Variants in CDKAL1 observed in about 807,000 individuals in gnomAD.
The protein encoded by CDKAL1 is CDKAL1 threonylcarbamoyladenosine tRNA methylthiotransferase.
A neutral mutation model predicts 68.2 loss-of-function variants in CDKAL1; 32 were observed. The ratio of observed to expected loss-of-function variants is 0.47; its 90% CI spans 0.35 to 0.63. The LOEUF (loss-of-function observed/expected upper bound fraction) is 0.63. Ranked by LOEUF, CDKAL1 falls within the 30% of genes least tolerant of loss-of-function variation. The probability of loss-of-function intolerance (pLI) is 0.00; values close to 1 mark genes in which losing one functional copy is unlikely to be tolerated. For missense variants in CDKAL1, 606 were observed against 696.7 expected (o/e 0.87, Z 1.47); for synonymous variants, 234 against 244.3 (o/e 0.96, Z 0.39).
At chr6:20,619,339 C>T (rs904866735) in intron 4 of CDKAL1, among the ~76,000 whole-genome samples, 4 of 152,058 alleles carry the variant, frequency 2.6e-5, no homozygotes, top group African/African-American at 9.7e-5. Flanking sequence ...AACAATATAT[C>T]GTATTCTTGA....
chr6:20,876,668 A>G (rs1360672027), intron 9 of CDKAL1, among the ~76,000 whole-genome samples: 2 of 152,190 alleles, frequency 1.3e-5, no homozygotes, highest in African/African-American at 4.8e-5. Context: ...ATGAATGCAA[A>G]TTCTGTTGCT....
intron 5 of CDKAL1, among the ~76,000 whole-genome samples, chr6:20,714,378 CTTTTTTTTTTT>C (rs545162371): frequency 0.029 from 2,105 of 72,742 alleles, 39 homozygotes; most frequent in Non-Finnish European, 0.048. Context: ...ATTGTCTGTT[CTTTTTTTTTTT>C]TTTTTTTTTT....
chr6:21,022,020 A>G (rs1224122965), intron 11 of CDKAL1, among the ~76,000 whole-genome samples: 2 of 152,190 alleles, frequency 1.3e-5, no homozygotes, highest in Non-Finnish European at 2.9e-5. Flanking sequence ...ACAACAGAAT[A>G]GGTCAGGAAC....
intron 7 of CDKAL1, among the ~76,000 whole-genome samples, chr6:20,776,912 CTTCT>C (rs1775197003): frequency 6.6e-6 from 1 of 152,204 alleles, no homozygotes; most frequent in Non-Finnish European, 1.5e-5. Flanking sequence ...AAGCCAGCAG[CTTCT>C]TTGCTGCTCC....
chr6:21,203,441 G>A (rs533502414), intron 15 of CDKAL1, among the ~76,000 whole-genome samples: 57 of 150,930 alleles, frequency 3.8e-4, no homozygotes, highest in Middle Eastern at 3.4e-3. Flanking sequence ...TCACCATGTC[G>A]GCCAGGCTGG....
At chr6:21,160,504 G>C (rs997372139) in intron 13 of CDKAL1, among the ~76,000 whole-genome samples, 2 of 150,532 alleles carry the variant, frequency 1.3e-5, no homozygotes, top group Non-Finnish European at 3.0e-5. Context: ...CACCGTGTTG[G>C]TCAGGCTGGT....
At chr6:21,064,960 A>G (rs1771351491) in intron 11 of CDKAL1, 88 bp from the exon 12 acceptor site, 2 of 751,536 alleles carry the variant, frequency 2.7e-6, no homozygotes, top group Admixed American at 3.9e-5. Context: ...AATTTTAATT[A>G]CCATAAAATT....
At chr6:20,632,915 A>ACTG (rs1280160737) in intron 4 of CDKAL1, among the ~76,000 whole-genome samples, 1 of 152,098 alleles carries the variant, frequency 6.6e-6, no homozygotes, top group Non-Finnish European at 1.5e-5. Context: ...TGACGTGTAC[A>ACTG]CTGCTCTATG....
chr6:20,633,086 A>G (rs1415492914), intron 4 of CDKAL1, among the ~76,000 whole-genome samples: 1 of 152,192 alleles, frequency 6.6e-6, no homozygotes, highest in African/African-American at 2.4e-5. Flanking sequence ...AATAATTCCT[A>G]TGCCATGAAA....
intron 6 of CDKAL1, among the ~76,000 whole-genome samples, chr6:20,752,067 C>T (rs982162581): frequency 3.4e-5 from 5 of 149,112 alleles, no homozygotes; most frequent in Non-Finnish European, 5.9e-5. Context: ...TTTCCTCTTC[C>T]GCGTAACTCC....
intron 11 of CDKAL1, among the ~76,000 whole-genome samples, chr6:21,052,588 G>T (rs1191850854): frequency 6.7e-6 from 1 of 149,170 alleles, no homozygotes; most frequent in Non-Finnish European, 1.5e-5. Flanking sequence ...GCTCAGGCTG[G>T]CCATGAACTC....
intron 4 of CDKAL1, chr6:20,559,577 T>G (rs1312393633): frequency 6.6e-6 from 1 of 152,204 alleles, no homozygotes; most frequent in Non-Finnish European, 1.5e-5. Flanking sequence ...GGTCACTAAA[T>G]GTCTGGTTTG....
At chr6:20,998,518 G>A (rs1165031462) in intron 10 of CDKAL1, among the ~76,000 whole-genome samples, 1 of 152,106 alleles carries the variant, frequency 6.6e-6, no homozygotes, top group Non-Finnish European at 1.5e-5. Context: ...CGCTTAGGCA[G>A]GAGAATCACT....
At chr6:20,991,088 T>C (rs1766765817) in intron 10 of CDKAL1, among the ~76,000 whole-genome samples, 1 of 152,210 alleles carries the variant, frequency 6.6e-6, no homozygotes, top group South Asian at 2.1e-4. Flanking sequence ...GCTTTGGCAT[T>C]GAGAGTAGAG....
chr6:21,221,215 G>A (rs1779528033), intron 15 of CDKAL1, among the ~76,000 whole-genome samples: 1 of 151,894 alleles, frequency 6.6e-6, no homozygotes, highest in Non-Finnish European at 1.5e-5. Flanking sequence ...TTATAATTTT[G>A]TATTCAATAC....
intron 8 of CDKAL1, among the ~76,000 whole-genome samples, chr6:20,820,220 T>C (rs1283492520): frequency 6.6e-6 from 1 of 152,176 alleles, no homozygotes; most frequent in South Asian, 2.1e-4. Context: ...TGTAGGCTTC[T>C]AACTCTAATC....
At chr6:20,960,685 C>T (rs1468175639) in intron 10 of CDKAL1, among the ~76,000 whole-genome samples, 1 of 152,212 alleles carries the variant, frequency 6.6e-6, no homozygotes, top group East Asian at 1.9e-4. Context: ...TGTTCCTTGA[C>T]TTCATGCCTC....
At chr6:20,933,300 T>C (rs913919001) in intron 9 of CDKAL1, among the ~76,000 whole-genome samples, 1 of 152,254 alleles carries the variant, frequency 6.6e-6, no homozygotes, top group Non-Finnish European at 1.5e-5. Context: ...TCTTTCCTTC[T>C]GGCTCCTACT....
intron 4 of CDKAL1, among the ~76,000 whole-genome samples, chr6:20,632,010 G>T (rs926132118): frequency 1.3e-5 from 2 of 152,156 alleles, no homozygotes; most frequent in Non-Finnish European, 2.9e-5. Context: ...TCTGTTAAAT[G>T]AAAACATTTT....
Sources: allele counts gnomAD v4.1 joint callset (sites outside exome capture counted in the v4.1 genomes callset), GRCh38; gene constraint gnomAD v4.1.1; transcripts MANE v1.5; gene names NCBI Gene and HGNC (gene_info 2026-07-23, HGNC 2026-07-21).